The following RIT2 variants were observed in gnomAD, a reference collection of about 807,000 sequenced individuals.
RIT2 encodes the protein GTP-binding protein Rit2.
A neutral mutation model predicts 23.7 loss-of-function variants in RIT2; 24 were observed. That is an observed-to-expected ratio of 1.01 (90% CI 0.73 to 1.43). The LOEUF is 1.43. Among genes scored for constraint, RIT2 ranks in the 40% most tolerant of loss-of-function variants. The pLI is 0.00. For synonymous variants in RIT2, 107 were observed against 91.1 expected (o/e 1.17, Z -0.99); for missense variants, 236 against 266.9 (o/e 0.88, Z 0.81).
At chr18:42,881,199 GAAAC>G (rs1462653745) in intron 4 of RIT2, among the ~76,000 whole-genome samples, 3 of 152,062 alleles carry the variant, frequency 2.0e-5, no homozygotes, top group African/African-American at 7.2e-5. Flanking sequence ...CCACTAATTT[GAAAC>G]AAACAAACAA....
At chr18:43,027,239 G>A (rs570220720) in intron 2 of RIT2, among the ~76,000 whole-genome samples, 1 of 152,060 alleles carries the variant, frequency 6.6e-6, no homozygotes, top group Non-Finnish European at 1.5e-5. Flanking sequence ...GAGTCTGGTG[G>A]TACATTCAAC....
In RIT2 at chr18:42,790,998, G is replaced by GTGAT. The variant is rs555596259; in HGVS notation, c.427-47282_427-47279dup. Among the ~76,000 whole-genome samples the GTGAT allele has an allele frequency of 7.6e-4, 115 of 152,250 alleles. 1 individual carries two copies. The highest frequency in any genetic ancestry group is 2.3e-3 in the Admixed American group (35 of 15,294). ...CCATCAGACACAGAAATCCAAGGGA[G>GTGAT]TGATGCTCCACCCTTTCTTGGCCTA... On this transcript the variant is annotated intron_variant, in intron 4 of 4. Coordinates refer to ENST00000326695, the MANE Select transcript of RIT2 (RefSeq NM_002930.4).
intron 2 of RIT2, among the ~76,000 whole-genome samples, chr18:43,024,847 G>A (rs139305430): frequency 2.6e-5 from 4 of 151,754 alleles, no homozygotes; most frequent in East Asian, 1.9e-4. Context: ...GGTCAGTATC[G>A]CTCATCAGAG....
At chr18:42,764,810 G>A (rs2143905821) in intron 4 of RIT2, among the ~76,000 whole-genome samples, 1 of 152,322 alleles carries the variant, frequency 6.6e-6, no homozygotes, top group East Asian at 1.9e-4. Context: ...TGCCATCTCT[G>A]AGAAAGCTAT....
At chr18:42,969,409 A>G (rs1307388858) in intron 3 of RIT2, among the ~76,000 whole-genome samples, 5 of 152,182 alleles carry the variant, frequency 3.3e-5, no homozygotes, top group African/African-American at 1.2e-4. Context: ...TTATATAAAA[A>G]TTAAGCTCGT....
chr18:42,751,863 A>T (rs1913054435), intron 4 of RIT2, among the ~76,000 whole-genome samples: 1 of 152,018 alleles, frequency 6.6e-6, no homozygotes, highest in Non-Finnish European at 1.5e-5. Context: ...AGTGACCTAA[A>T]GTTTTTATGT....
At chr18:42,993,779 G>A (rs1910911491) in intron 2 of RIT2, among the ~76,000 whole-genome samples, 1 of 151,896 alleles carries the variant, frequency 6.6e-6, no homozygotes, top group African/African-American at 2.4e-5. Context: ...ACAAGTATAA[G>A]ATACCTCTGC....
At chr18:43,066,091 C>A (rs904757568) in intron 1 of RIT2, among the ~76,000 whole-genome samples, 1 of 152,066 alleles carries the variant, frequency 6.6e-6, no homozygotes, top group African/African-American at 2.4e-5. Context: ...TAGATTCTAC[C>A]TGATTAGAAT....
chr18:42,943,596 T>A (rs1295946681), intron 3 of RIT2, among the ~76,000 whole-genome samples: 1 of 152,188 alleles, frequency 6.6e-6, no homozygotes, highest in South Asian at 2.1e-4. Context: ...AATGTATGCA[T>A]ATCTCACATT....
chr18:43,056,305 G>T (rs1200853699), intron 1 of RIT2, among the ~76,000 whole-genome samples: 1 of 151,944 alleles, frequency 6.6e-6, no homozygotes, highest in African/African-American at 2.4e-5. Flanking sequence ...GTGCTCTCTG[G>T]AAAGCTAAGC....
chr18:42,782,747 C>T (rs1422873545), intron 4 of RIT2, among the ~76,000 whole-genome samples: 1 of 152,060 alleles, frequency 6.6e-6, no homozygotes, highest in African/African-American at 2.4e-5. Flanking sequence ...TAAGCCCAAG[C>T]TTAATGTGGC....
chr18:42,777,829 G>C (rs1415033212), intron 4 of RIT2, among the ~76,000 whole-genome samples: 1 of 152,170 alleles, frequency 6.6e-6, no homozygotes, highest in East Asian at 1.9e-4. Context: ...TATCAGATAA[G>C]CAGTGGTGTC....
chr18:43,025,530 TAA>T (rs774859202), intron 2 of RIT2, among the ~76,000 whole-genome samples: 19 of 152,130 alleles, frequency 1.2e-4, no homozygotes, highest in South Asian at 4.1e-4. Flanking sequence ...GGAATCAAAC[TAA>T]GTGTCCATAA....
At chr18:42,992,578 C>T (rs543193182) in intron 2 of RIT2, among the ~76,000 whole-genome samples, 1 of 152,230 alleles carries the variant, frequency 6.6e-6, no homozygotes, top group Admixed American at 6.5e-5. Flanking sequence ...CTTTCTCAGC[C>T]TCCTCCGATC....
At chr18:42,848,470 T>C (rs929306836) in intron 4 of RIT2, among the ~76,000 whole-genome samples, 2 of 152,230 alleles carry the variant, frequency 1.3e-5, no homozygotes, top group Non-Finnish European at 2.9e-5. Flanking sequence ...GCAGTTAGCA[T>C]GGAACAATAA....
chr18:43,037,716 C>T (rs1568063197), intron 1 of RIT2, among the ~76,000 whole-genome samples: 1 of 151,828 alleles, frequency 6.6e-6, no homozygotes, highest in Non-Finnish European at 1.5e-5. Context: ...TTCATGGGTA[C>T]AGTATTTCCA....
intron 4 of RIT2, among the ~76,000 whole-genome samples, chr18:42,882,963 T>C (rs917160058): frequency 6.6e-6 from 1 of 152,190 alleles, no homozygotes; most frequent in Non-Finnish European, 1.5e-5. Flanking sequence ...TATATTCCCT[T>C]ATACATTTGT....
chr18:42,743,413 A>G lies in RIT2; in HGVS notation c.*80T>C. 2 of 999,376 alleles carry G rather than the reference A, an allele frequency of 2.0e-6. No homozygotes were observed. The highest frequency in any genetic ancestry group is 1.6e-5 in the African/African-American group (1 of 62,048). 61.9% of individuals were successfully genotyped at this position (999,376 alleles called of 1,614,324 possible). On this transcript the variant is annotated 3_prime_UTR_variant, in exon 5 of 5. Coordinates refer to ENST00000326695, the MANE Select transcript of RIT2 (RefSeq NM_002930.4). ...AAGAGAGAGAGACACATAGAGAGAT[A>G]ATATTGAAGCAGAATGCTACATATG... is the stretch of plus-strand genomic sequence containing the variant.
At chr18:43,015,196 T>A (rs962327354) in intron 2 of RIT2, among the ~76,000 whole-genome samples, 6 of 151,632 alleles carry the variant, frequency 4.0e-5, no homozygotes, top group African/African-American at 1.2e-4. Flanking sequence ...ATAGCAGTCA[T>A]GAGAGTGAGA....
Sources: gnomAD v4.1 joint callset for allele counts (sites outside exome capture counted in the v4.1 genomes callset) on GRCh38, gnomAD v4.1.1 for gene constraint, MANE v1.5 for transcripts, NCBI Gene and HGNC (gene_info 2026-07-23, HGNC 2026-07-21) for gene names.